CCDC171: variants seen among roughly 807,000 people sequenced by gnomAD.
CCDC171 encodes the protein coiled-coil domain-containing protein 171.
In CCDC171, 177 loss-of-function variants were observed where a neutral mutation model predicts 168.2. That is an observed-to-expected ratio of 1.05 (90% CI 0.93 to 1.19). The LOEUF (loss-of-function observed/expected upper bound fraction) is 1.19, where lower values mean the gene tolerates loss of function less well. Ranked by LOEUF, CCDC171 falls within the 50% of genes most tolerant of loss-of-function variation. The probability of loss-of-function intolerance (pLI) is 0.00; values close to 1 mark genes in which losing one functional copy is unlikely to be tolerated. For missense variants in CCDC171, 1,991 were observed against 1,539.0 expected (o/e 1.29, Z -4.91); for synonymous variants, 687 against 540.8 (o/e 1.27, Z -3.75).
chr9:15,556,133 G>T (rs747318033), intron 1 of CCDC171, among the ~76,000 whole-genome samples: 1 of 152,098 alleles, frequency 6.6e-6, no homozygotes, highest in Admixed American at 6.6e-5. Flanking sequence ...GAATGGTGCC[G>T]CAATAAACAT....
chr9:15,587,138 C>A (rs978941393), intron 4 of CCDC171, among the ~76,000 whole-genome samples: 2 of 152,028 alleles, frequency 1.3e-5, no homozygotes, highest in Admixed American at 6.6e-5. Flanking sequence ...ATATTGACTT[C>A]CCCAAAAGCT....
chr9:15,715,806 T>C (rs1163246285), intron 11 of CCDC171, among the ~76,000 whole-genome samples: 1 of 152,250 alleles, frequency 6.6e-6, no homozygotes, highest in Non-Finnish European at 1.5e-5. Context: ...GAAATAATGA[T>C]GTCAGCTTGA....
intron 6 of CCDC171, among the ~76,000 whole-genome samples, chr9:15,622,214 G>T (rs913532074): frequency 2.0e-5 from 3 of 152,048 alleles, no homozygotes; most frequent in Admixed American, 2.0e-4. Context: ...GAAATAATCT[G>T]TACAACACAT....
At position 15,739,567 on chromosome 9, in the gene CCDC171, A is replaced by C. The variant is rs187342811; in HGVS notation, c.2050-4706A>C. On this transcript the variant is annotated intron_variant, in intron 16 of 25. Coordinates refer to ENST00000380701, the MANE Select transcript of CCDC171 (RefSeq NM_173550.4). ...CCTCATAGTTCAGTATAAGGATTTA[A>C]AAAAATATATGTAAAGCATTTAGAA... is the stretch of plus-strand genomic sequence containing the variant. 9.9e-5 allele frequency among the ~76,000 whole-genome samples: 15 copies of C among 152,270 alleles called. No individual in the cohort carries two copies. The East Asian group carries it at 2.5e-3, about 25-fold the overall frequency.
intron 24 of CCDC171, among the ~76,000 whole-genome samples, chr9:15,880,237 C>T (rs1377780254): frequency 6.6e-6 from 1 of 152,148 alleles, no homozygotes; most frequent in Non-Finnish European, 1.5e-5. Context: ...TAAGTGACAT[C>T]ATTTTAATAG....
intron 18 of CCDC171, among the ~76,000 whole-genome samples, chr9:15,746,336 A>T (rs569019274): frequency 1.3e-5 from 2 of 152,234 alleles, no homozygotes; most frequent in South Asian, 2.1e-4. Context: ...TTCTTAGACA[A>T]TTCCACTGTG....
At chr9:15,603,912 C>G (rs944166864) in intron 6 of CCDC171, among the ~76,000 whole-genome samples, 3 of 152,208 alleles carry the variant, frequency 2.0e-5, no homozygotes, top group Non-Finnish European at 4.4e-5. Context: ...TTGCCAGCAT[C>G]TGTTGTTTCT....
At chr9:15,683,585 G>A (rs1274471547) in intron 10 of CCDC171, among the ~76,000 whole-genome samples, 5 of 151,808 alleles carry the variant, frequency 3.3e-5, no homozygotes, top group African/African-American at 1.2e-4. Context: ...TTAAATTTTA[G>A]TTCTAGTAAA....
intron 21 of CCDC171, among the ~76,000 whole-genome samples, chr9:15,791,235 A>G (rs531733914): frequency 3.5e-4 from 54 of 152,188 alleles, no homozygotes; most frequent in African/African-American, 1.3e-3. Flanking sequence ...ATGAGCATGG[A>G]ATGTTCTTCC....
intron 3 of CCDC171, among the ~76,000 whole-genome samples, chr9:15,994,974 G>T (rs772978508): frequency 1.3e-5 from 2 of 152,248 alleles, no homozygotes; most frequent in Non-Finnish European, 1.5e-5. Context: ...CATCATCACT[G>T]AATATAATTA....
At chr9:15,927,711 T>C (rs1285367895) in intron 25 of CCDC171, among the ~76,000 whole-genome samples, 1 of 151,670 alleles carries the variant, frequency 6.6e-6, no homozygotes. Flanking sequence ...TTAGATATTT[T>C]GGTTCAGTTA....
At chr9:15,987,225 A>G (rs1832018767) in intron 3 of CCDC171, among the ~76,000 whole-genome samples, 1 of 152,208 alleles carries the variant, frequency 6.6e-6, no homozygotes, top group African/African-American at 2.4e-5. Context: ...AAAAATTTGT[A>G]ACACACATAT....
chr9:16,002,135 ATTTTTTT>A (rs76881347), intron 3 of CCDC171, among the ~76,000 whole-genome samples: 5 of 102,474 alleles, frequency 4.9e-5, no homozygotes, highest in East Asian at 2.8e-4. Flanking sequence ...GCCTACTATC[ATTTTTTT>A]TTTTTTTTTT....
chr9:15,925,792 G>A lies in CCDC171; in HGVS notation c.3753+5370G>A, dbSNP rs565264066. Among the ~76,000 whole-genome samples the A allele has an allele frequency of 2.0e-5, 3 of 151,714 alleles. No homozygotes were observed. In the South Asian group the frequency reaches 6.2e-4, roughly 32 times the overall value. On this transcript the variant is annotated intron_variant, in intron 25 of 25. Transcript: ENST00000380701. Reference sequence around the variant, plus strand: ...ATGTTAATATCCACTGACATAGATGGTTTGAGCATCAGGGACATATAGGTA... The same window carrying A: ...ATGTTAATATCCACTGACATAGATGATTTGAGCATCAGGGACATATAGGTA...
At chr9:16,074,297 A>G in the CCDC171 span, among the ~76,000 whole-genome samples, 1 of 152,072 alleles carries the variant, frequency 6.6e-6, no homozygotes, top group African/African-American at 2.4e-5. Flanking sequence ...GTCTTGCTGG[A>G]TATATGTCTT....
At chr9:15,726,101 G>A (rs1030560154) in intron 14 of CCDC171, among the ~76,000 whole-genome samples, 5 of 152,140 alleles carry the variant, frequency 3.3e-5, no homozygotes, top group African/African-American at 4.8e-5. Context: ...AATGCCAAGA[G>A]AGTAAAAAGG....
At chr9:15,749,878 C>CT (rs1323068709) in intron 18 of CCDC171, among the ~76,000 whole-genome samples, 2 of 151,942 alleles carry the variant, frequency 1.3e-5, no homozygotes, top group Non-Finnish European at 2.9e-5. Flanking sequence ...CAGGAAAGAT[C>CT]AAAATCAACA....
At chr9:15,804,650 G>C (rs1014135229) in intron 21 of CCDC171, among the ~76,000 whole-genome samples, 7 of 151,984 alleles carry the variant, frequency 4.6e-5, no homozygotes. Flanking sequence ...GTTTTGTGGA[G>C]GATTTTTGCA....
At chr9:15,906,911 C>G (rs1419221175) in intron 24 of CCDC171, among the ~76,000 whole-genome samples, 8 of 151,994 alleles carry the variant, frequency 5.3e-5, no homozygotes, top group Non-Finnish European at 1.0e-4. Context: ...CATGAGTGAA[C>G]TCCCATTCAC....
Sources: gnomAD v4.1 joint callset for allele counts (sites outside exome capture counted in the v4.1 genomes callset) on GRCh38, gnomAD v4.1.1 for gene constraint, MANE v1.5 for transcripts, NCBI Gene and HGNC (gene_info 2026-07-23, HGNC 2026-07-21) for gene names.